Variants in DIS3L2 observed in about 807,000 individuals in gnomAD.
DIS3L2 encodes DIS3-like exonuclease 2.
Under a neutral mutation model 97.5 loss-of-function variants are expected in DIS3L2, and 34 were observed. The observed-to-expected ratio is 0.35, with a 90% CI of 0.27 to 0.46. The LOEUF is 0.46. Among genes scored for constraint, DIS3L2 ranks in the 20% least tolerant of loss-of-function variants. The pLI, the probability that DIS3L2 is intolerant of heterozygous loss-of-function variation, is 1.00. For synonymous variants in DIS3L2, 435 were observed against 445.2 expected, an observed-to-expected ratio of 0.98 and a Z score of 0.29; for missense variants, 1,038 against 1,146.0, an observed-to-expected ratio of 0.91 and a Z score of 1.36.
intron 10 of DIS3L2, among the ~76,000 whole-genome samples, chr2:232,213,661 GTTTT>G (rs67846645): frequency 5.4e-4 from 44 of 80,736 alleles, no homozygotes; most frequent in African/African-American, 1.9e-3. Context: ...ATCATCTGTA[GTTTT>G]TTTTTTTTTT....
intron 6 of DIS3L2, among the ~76,000 whole-genome samples, chr2:232,100,104 C>T (rs1050911429): frequency 8.6e-5 from 13 of 151,864 alleles, no homozygotes; most frequent in East Asian, 3.9e-4. Flanking sequence ...TGCGTGATCT[C>T]GGCTCACTGC....
chr2:232,205,407 A>G (rs73102544), intron 9 of DIS3L2, among the ~76,000 whole-genome samples: 1,649 of 151,674 alleles, frequency 0.011, 36 homozygotes, highest in African/African-American at 0.038. Context: ...GACTACTCCT[A>G]CTTCTCAGGA....
chr2:232,001,557 C>CTTTTTTTTTTTTTTTTTTTTTTTTT (rs57766848), intron 1 of DIS3L2, among the ~76,000 whole-genome samples: 2 of 61,920 alleles, frequency 3.2e-5, no homozygotes, highest in Admixed American at 1.6e-4. Flanking sequence ...TGCCATTTGT[C>CTTTTTTTTTTTTTTTTTTTTTTTTT]TTTTTTTTTT....
At position 232,135,202 on chromosome 2, in the gene DIS3L2, A is replaced by G. The variant is rs550853236; in HGVS notation, c.703-1270A>G. On this transcript the variant is annotated intron_variant, in intron 7 of 20. Transcript: ENST00000325385. Reference sequence around the variant, plus strand: ...TTGACTAAGTTACTCACCTGGATGGACGTGGGAGGGCCAGACTGTAAGCCA... The same window carrying G: ...TTGACTAAGTTACTCACCTGGATGGGCGTGGGAGGGCCAGACTGTAAGCCA... Among the ~76,000 whole-genome samples the G allele has an allele frequency of 1.6e-3, 246 of 152,260 alleles. 2 individuals carry two copies. Among genetic ancestry groups the G allele is most frequent in the African/African-American group, 5.6e-3 (232 of 41,544 alleles).
At chr2:231,999,117 GA>G (rs1210955427) in intron 1 of DIS3L2, among the ~76,000 whole-genome samples, 1 of 152,212 alleles carries the variant, frequency 6.6e-6, no homozygotes, top group Non-Finnish European at 1.5e-5. Flanking sequence ...CTTGCAGCAT[GA>G]AAGCAGCCAT....
intron 10 of DIS3L2, among the ~76,000 whole-genome samples, chr2:232,211,518 T>C (rs925610763): frequency 1.3e-5 from 2 of 152,212 alleles, no homozygotes; most frequent in Non-Finnish European, 1.5e-5. Context: ...CTCTCTAGGG[T>C]GGCTTCTGGG....
intron 12 of DIS3L2, among the ~76,000 whole-genome samples, chr2:232,258,355 C>T (rs918556820): frequency 4.6e-5 from 7 of 152,020 alleles, no homozygotes; most frequent in Non-Finnish European, 8.8e-5. Context: ...GAGGCCAAAG[C>T]GGGCGGATCA....
chr2:232,121,942 C>G (rs1343406772), intron 6 of DIS3L2, among the ~76,000 whole-genome samples: 1 of 152,204 alleles, frequency 6.6e-6, no homozygotes, highest in African/African-American at 2.4e-5. Context: ...GGCCACTAGT[C>G]TGATTTAGTG....
chr2:231,993,452 G>A (rs980588665), intron 1 of DIS3L2, among the ~76,000 whole-genome samples: 29 of 151,994 alleles, frequency 1.9e-4, no homozygotes, highest in African/African-American at 6.5e-4. Context: ...GACCTGAGGT[G>A]ATCCACCTGC....
chr2:232,263,549 C>A, intron 13 of DIS3L2, 109 bp downstream of exon 13: 2 of 1,046,002 alleles, frequency 1.9e-6, no homozygotes, highest in African/African-American at 1.6e-5. Context: ...CTCTTTGCTC[C>A]AGGCACCACA....
chr2:232,191,067 C>G (rs1050003605), intron 9 of DIS3L2, among the ~76,000 whole-genome samples: 2 of 152,114 alleles, frequency 1.3e-5, no homozygotes, highest in South Asian at 4.2e-4. Context: ...GTGAGTGGAG[C>G]GAAAGCCAGA....
chr2:232,065,493 A>G (rs1363379729), intron 5 of DIS3L2, among the ~76,000 whole-genome samples: 1 of 152,072 alleles, frequency 6.6e-6, no homozygotes, highest in Non-Finnish European at 1.5e-5. Flanking sequence ...AATTACCATG[A>G]CATCTTTATT....
chr2:232,259,474 A>T (rs545816739), intron 12 of DIS3L2, among the ~76,000 whole-genome samples: 106 of 152,154 alleles, frequency 7.0e-4, no homozygotes, highest in African/African-American at 2.4e-3. Context: ...GAGGGGTGAG[A>T]AGGAGCTACA....
At chr2:232,255,014 C>T (rs1044317442) in intron 12 of DIS3L2, among the ~76,000 whole-genome samples, 1 of 152,238 alleles carries the variant, frequency 6.6e-6, no homozygotes, top group Non-Finnish European at 1.5e-5. Context: ...ATGAGTATCT[C>T]TTACCCACAA....
At chr2:232,086,674 T>TGTGG in intron 5 of DIS3L2, among the ~76,000 whole-genome samples, 1 of 138,644 alleles carries the variant, frequency 7.2e-6, no homozygotes, top group Non-Finnish European at 1.6e-5. Context: ...TGTGTGTGTG[T>TGTGG]GTGTATATAT....
chr2:232,315,732 A>T (rs1695253805), intron 14 of DIS3L2, among the ~76,000 whole-genome samples: 1 of 152,196 alleles, frequency 6.6e-6, no homozygotes, highest in African/African-American at 2.4e-5. Flanking sequence ...GCCGGAACAC[A>T]GCTGCGAAAA....
At chr2:232,171,584 T>C (rs1690992406) in intron 9 of DIS3L2, among the ~76,000 whole-genome samples, 1 of 152,214 alleles carries the variant, frequency 6.6e-6, no homozygotes, top group Admixed American at 6.5e-5. Context: ...AAATCTCAGT[T>C]CTTCGATGGC....
chr2:232,004,234 C>T (rs746453074), intron 1 of DIS3L2, among the ~76,000 whole-genome samples: 12 of 152,026 alleles, frequency 7.9e-5, no homozygotes, highest in African/African-American at 1.2e-4. Flanking sequence ...CACCACATCC[C>T]GCTAATTTTT....
chr2:231,961,844 T>G (rs1174996441), intron 1 of DIS3L2, 79 bp downstream of exon 1: 2 of 152,378 alleles, frequency 1.3e-5, no homozygotes, highest in African/African-American at 4.8e-5. Context: ...GTCTGGCCTC[T>G]GGGGGGCTCC....
Sources: gnomAD v4.1 joint callset for allele counts (sites outside exome capture counted in the v4.1 genomes callset) on GRCh38, gnomAD v4.1.1 for gene constraint, MANE v1.5 for transcripts, NCBI Gene and HGNC (gene_info 2026-07-23, HGNC 2026-07-21) for gene names.